Variants in KDM5A observed in about 807,000 individuals in gnomAD.
KDM5A encodes the protein lysine demethylase 5A, also known as lysine-specific demethylase 5A.
A neutral mutation model predicts 193.5 loss-of-function variants in KDM5A; 42 were observed. The ratio of observed to expected loss-of-function variants is 0.22; its 90% CI spans 0.17 to 0.28. The LOEUF (loss-of-function observed/expected upper bound fraction) is 0.28. KDM5A is among the 10% of genes least tolerant of loss of function. The probability of loss-of-function intolerance (pLI) is 1.00; values close to 1 mark genes in which losing one functional copy is unlikely to be tolerated. For synonymous variants in KDM5A, 796 were observed against 718.1 expected (o/e 1.11, Z -1.73); for missense variants, 1,692 against 2,055.1 (o/e 0.82, Z 3.42).
At chr12:330,073 G>GTATATATATATATATATATA (rs1393039421) in intron 13 of KDM5A, among the ~76,000 whole-genome samples, 1 of 127,536 alleles carries the variant, frequency 7.8e-6, no homozygotes, top group South Asian at 2.3e-4. Flanking sequence ...GTGTGTGTGT[G>GTATATATATATATATATATA]TGTGTGTGTG....
chr12:300,680 C>T (rs1943430582), intron 24 of KDM5A, among the ~76,000 whole-genome samples: 1 of 152,106 alleles, frequency 6.6e-6, no homozygotes, highest in Admixed American at 6.5e-5. Context: ...TAACTAAGAT[C>T]AGAGCAGAAC....
At chr12:330,755 G>C (rs1047847083) in intron 13 of KDM5A, among the ~76,000 whole-genome samples, 1 of 152,170 alleles carries the variant, frequency 6.6e-6, no homozygotes, top group African/African-American at 2.4e-5. Context: ...ACTATTCATT[G>C]TATCATTTTA....
rs1280890602 is a variant in KDM5A, at chr12:280,372, G to C, written c.*5084C>G. ...GTCCAACACAATTTTTTTTTTTAAT[G>C]GACTTGCCACCTTAAGAAACTTCAA... On this transcript the variant is annotated 3_prime_UTR_variant, in exon 28 of 28. Transcript: ENST00000399788. The C allele has an allele frequency of 4.3e-6, 1 of 232,054 alleles. No individual in the cohort carries two copies. Among genetic ancestry groups the C allele is most frequent in the Non-Finnish European group, 8.5e-6 (1 of 117,764 alleles). The allele number at this position is 232,054 out of a possible 1,614,324, so 14.4% of individuals were successfully genotyped here.
intron 19 of KDM5A, among the ~76,000 whole-genome samples, chr12:316,172 CAGAAGTT>C (rs1331881058): frequency 6.6e-6 from 1 of 152,220 alleles, no homozygotes; most frequent in African/African-American, 2.4e-5. Flanking sequence ...ATAATTCTGA[CAGAAGTT>C]AGAAGAGTCT....
At chr12:352,595 C>A (rs1944177317) in intron 8 of KDM5A, among the ~76,000 whole-genome samples, 1 of 152,200 alleles carries the variant, frequency 6.6e-6, no homozygotes, top group African/African-American at 2.4e-5. Flanking sequence ...CTAAGACAAG[C>A]ATCTAAAGGA....
At chr12:296,381 T>C (rs1943374745) in intron 25 of KDM5A, among the ~76,000 whole-genome samples, 1 of 151,592 alleles carries the variant, frequency 6.6e-6, no homozygotes, top group Admixed American at 6.6e-5. Flanking sequence ...TGAGTCTTTA[T>C]CGTGTGGCAA....
At chr12:343,342 A>C (rs1466482685) in intron 10 of KDM5A, among the ~76,000 whole-genome samples, 1 of 152,232 alleles carries the variant, frequency 6.6e-6, no homozygotes, top group Non-Finnish European at 1.5e-5. Context: ...CTCTCTGGGC[A>C]GGGCATGGCT....
chr12:389,099 GCC>G lies in KDM5A; in HGVS notation c.-10_-9del, dbSNP rs1491373032. 7.0e-7 allele frequency: 1 copy of G among 1,421,944 alleles called. No homozygotes were observed. Among genetic ancestry groups the G allele is most frequent in the Non-Finnish European group, 9.2e-7 (1 of 1,083,124 alleles). 88.1% of individuals were successfully genotyped at this position (1,421,944 alleles called of 1,614,324 possible). ...CGGCCCCACGCCCGCCATTGCAACG[GCC>G]GGGGGGGGGGGGGGGTCCCCGTGGG... On this transcript the variant is annotated 5_prime_UTR_variant, in exon 1 of 28. Transcript: ENST00000399788.
At chr12:387,040 A>G (rs1944645283) in intron 1 of KDM5A, among the ~76,000 whole-genome samples, 1 of 152,198 alleles carries the variant, frequency 6.6e-6, no homozygotes, top group South Asian at 2.1e-4. Context: ...ATGTTACACA[A>G]ATGTTTTGTT....
At position 356,532 on chromosome 12, in the gene KDM5A, TTC is replaced by T; in HGVS notation, c.676_677del (p.Glu226IlefsTer6). On this transcript the variant is annotated frameshift_variant, in exon 6 of 28. Coordinates refer to ENST00000399788, the MANE Select transcript of KDM5A (RefSeq NM_001042603.3). LOFTEE classifies it high-confidence loss of function. ...CCGTGTTTCTACTCACATCTCCAGA[TTC>T]TGACTAAAAAATAAGCAAAATTCAC... is the stretch of plus-strand genomic sequence containing the variant. ...KRTRRVKTQSESGDVSRNTEL... is the reference protein window; with the variant it reads ...KRTRRVKTQSXSGDVSRNTEL... 6.2e-7 allele frequency: 1 copy of T among 1,606,222 alleles called. No individual in the cohort carries two copies. Among genetic ancestry groups the T allele is most frequent in the Non-Finnish European group, 8.5e-7 (1 of 1,172,786 alleles).
intron 24 of KDM5A, 90 bp from the exon 25 acceptor site, chr12:297,290 CTTCTAATA>C (rs1943385957): frequency 2.0e-6 from 2 of 1,023,316 alleles, no homozygotes; most frequent in Non-Finnish European, 3.0e-6. Flanking sequence ...CAGGTTAAAG[CTTCTAATA>C]TACTAAAAAT....
chr12:378,831 C>T (rs1223877063), intron 3 of KDM5A, among the ~76,000 whole-genome samples: 2 of 151,824 alleles, frequency 1.3e-5, no homozygotes, highest in African/African-American at 2.4e-5. Flanking sequence ...TGGTGGTGGG[C>T]GCCTGTAGTC....
At chr12:383,897 C>G in intron 3 of KDM5A, 134 bp downstream of exon 3, 2 of 963,076 alleles carry the variant, frequency 2.1e-6, no homozygotes, top group Non-Finnish European at 3.3e-6. Context: ...TACAGGCATG[C>G]GCCACCATAC....
intron 13 of KDM5A, among the ~76,000 whole-genome samples, chr12:330,085 G>GTGTGTGTGTGTGTGTGTGTA (rs377271333): frequency 1.5e-4 from 21 of 139,376 alleles, no homozygotes; most frequent in East Asian, 4.3e-4. Context: ...GTGTGTGTGT[G>GTGTGTGTGTGTGTGTGTGTA]TATATATATA....
At position 285,585 on chromosome 12, in the gene KDM5A, A is replaced by G; in HGVS notation, c.4944T>C (p.Ala1648=). 1 of 1,614,078 alleles carries G rather than the reference A, an allele frequency of 6.2e-7. No individual in the cohort carries two copies. The highest frequency in any genetic ancestry group is 8.5e-7 in the Non-Finnish European group (1 of 1,179,960). The part of the protein sequence containing the change: ...QVCVGVSPEM[A]ENEDYICINC... ...TTATACAGATGTAATCTTCATTTTC[A>G]GCCATTTCTGGAGATACACCCACAC... Residue 1648 remains alanine (A), a synonymous_variant, in exon 28 of 28, where the codon GCT becomes GCC. Transcript: ENST00000399788.
At chr12:388,630 A>G in intron 1 of KDM5A, 1 of 487,942 alleles carries the variant, frequency 2.0e-6, no homozygotes, top group South Asian at 2.1e-5. Context: ...ACGTCATAAT[A>G]CTGTACTTTA....
At chr12:344,655 C>G (rs1944047895) in intron 10 of KDM5A, among the ~76,000 whole-genome samples, 1 of 152,152 alleles carries the variant, frequency 6.6e-6, no homozygotes, top group Admixed American at 6.5e-5. Context: ...AATTTCATAG[C>G]CAGCCAAACT....
rs1944632702 is a variant in KDM5A at position 385,939 on chromosome 12, G to T, written c.201C>A (p.Ser67Arg). ...GCTGGACTCTTGGAGTGAAACGAAA[G>T]CTTTTTACTTCACAGGCAAATGGAG... ...WQPPFACEVK[S>R]FRFTPRVQRL... The change falls in exon 2 of 28, where the codon AGC becomes AGA. Residue 67 changes from serine to arginine, a missense_variant. Around this residue, in one of 11 missense-constraint regions of KDM5A, gnomAD observed 120 missense variants for 172.0 expected, o/e 0.70. Coordinates refer to ENST00000399788, the MANE Select transcript of KDM5A (RefSeq NM_001042603.3). 2 of 1,613,740 alleles carry T rather than the reference G, an allele frequency of 1.2e-6. No homozygotes were observed. The highest frequency in any genetic ancestry group is 1.3e-5 in the African/African-American group (1 of 74,886).
chr12:289,985 A>G (rs1030973878), intron 27 of KDM5A, among the ~76,000 whole-genome samples: 1 of 144,602 alleles, frequency 6.9e-6, no homozygotes, highest in African/African-American at 2.6e-5. Flanking sequence ...TGTAGCCCAG[A>G]CTGAAGTGCA....
Sources: gnomAD v4.1 joint callset for allele counts (sites outside exome capture counted in the v4.1 genomes callset) on GRCh38, gnomAD v4.1.1 for gene constraint, gnomAD v4.1.1 regional missense constraint, MANE v1.5 for transcripts, NCBI Gene and HGNC (gene_info 2026-07-23, HGNC 2026-07-21) for gene names.